ENDOD1: variants seen among roughly 807,000 people sequenced by gnomAD.
ENDOD1 encodes endonuclease domain containing 1.
Under a neutral mutation model 6.5 loss-of-function variants are expected in ENDOD1, and 9 were observed. The ratio of observed to expected loss-of-function variants is 1.39; its 90% CI spans 0.84 to 2.43. The LOEUF (loss-of-function observed/expected upper bound fraction) is 2.43, where lower values mean the gene tolerates loss of function less well. Among genes scored for constraint, ENDOD1 ranks in the 30% most tolerant of loss-of-function variants. ENDOD1 has a pLI of 0.00. For synonymous variants in ENDOD1, 255 were observed against 255.2 expected, an observed-to-expected ratio of 1.00 and a Z score of 0.01; for missense variants, 648 against 635.5, an observed-to-expected ratio of 1.02 and a Z score of -0.21.
At chr11:95,090,680 A>C (rs1858921937) in intron 1 of ENDOD1, among the ~76,000 whole-genome samples, 1 of 152,080 alleles carries the variant, frequency 6.6e-6, no homozygotes, top group South Asian at 2.1e-4. Context: ...TTTCATCCCC[A>C]TTTTACAGAA....
At position 95,128,517 on chromosome 11, in the gene ENDOD1, C is replaced by T; in HGVS notation, c.441C>T (p.Phe147=). The T allele has an allele frequency of 1.2e-6, 2 of 1,614,254 alleles. No individual in the cohort carries two copies. The highest frequency in any genetic ancestry group is 1.7e-6 in the Non-Finnish European group (2 of 1,180,044). ...ACCAAAGAGGACAGCTTTACCCATT[C>T]TCCCTTAGCAGTGATGTCCAGGTGG... ...SDYQRGQLYP[F]SLSSDVQVAT... The change falls in exon 2 of 2, where the codon TTC becomes TTT. Residue 147 remains phenylalanine (F), a synonymous_variant. Coordinates refer to ENST00000278505, the MANE Select transcript of ENDOD1 (RefSeq NM_015036.3).
In ENDOD1 at chr11:95,111,711, A is replaced by C. The variant is rs138778616; in HGVS notation, c.301-16666A>C. Reference sequence around the variant, plus strand: ...ATGCAAGTGTTAGGGAATGGCTGTAAATATAGATGAAACTTCGCTTGCTCA... The same window carrying C: ...ATGCAAGTGTTAGGGAATGGCTGTACATATAGATGAAACTTCGCTTGCTCA... On this transcript the variant is annotated intron_variant, in intron 1 of 1. Transcript: ENST00000278505. Among the ~76,000 whole-genome samples, 20 of 152,234 alleles carry C rather than the reference A, an allele frequency of 1.3e-4. No homozygotes were observed. In the East Asian group the frequency reaches 3.9e-3, roughly 29 times the overall value.
At position 95,128,551 on chromosome 11, in the gene ENDOD1, A is replaced by T; in HGVS notation, c.475A>T (p.Thr159Ser). The T allele has an allele frequency of 1.2e-6, 2 of 1,614,144 alleles. No individual in the cohort carries two copies. Among genetic ancestry groups the T allele is most frequent in the Non-Finnish European group, 1.7e-6 (2 of 1,180,022 alleles). The change falls in exon 2 of 2, where the codon ACT becomes TCT. Residue 159 changes from threonine to serine, a missense_variant. Transcript: ENST00000278505. ...LSSDVQVATF[T>S]LTNSAPMTQS... ...CAGTGATGTCCAGGTGGCCACATTT[A>T]CTCTCACAAATTCAGCCCCAATGAC...
intron 1 of ENDOD1, among the ~76,000 whole-genome samples, chr11:95,105,798 T>C (rs1859083868): frequency 6.6e-6 from 1 of 151,934 alleles, no homozygotes; most frequent in African/African-American, 2.4e-5. Flanking sequence ...TATTAAATTT[T>C]TTCCCTGAAT....
intron 1 of ENDOD1, among the ~76,000 whole-genome samples, chr11:95,100,627 G>C (rs1168694859): frequency 6.6e-6 from 1 of 151,804 alleles, no homozygotes; most frequent in African/African-American, 2.4e-5. Flanking sequence ...TAGACCACAG[G>C]CATGTGCCAC....
intron 1 of ENDOD1, among the ~76,000 whole-genome samples, chr11:95,096,227 C>CTGTTTTTTT (rs1858982326): frequency 2.0e-5 from 1 of 49,964 alleles, no homozygotes; most frequent in African/African-American, 8.3e-5. Flanking sequence ...GTCAAGAAAG[C>CTGTTTTTTT]TTTTTTTTTT....
chr11:95,105,365 C>A (rs1367366871), intron 1 of ENDOD1, among the ~76,000 whole-genome samples: 1 of 152,148 alleles, frequency 6.6e-6, no homozygotes, highest in Non-Finnish European at 1.5e-5. Flanking sequence ...ACTTATAATA[C>A]CTGGTACAAT....
chr11:95,095,227 G>A (rs1245447241), intron 1 of ENDOD1, among the ~76,000 whole-genome samples: 7 of 152,238 alleles, frequency 4.6e-5, no homozygotes, highest in African/African-American at 1.7e-4. Flanking sequence ...TGAAATGTGT[G>A]GAAGATTGAA....
intron 1 of ENDOD1, among the ~76,000 whole-genome samples, chr11:95,094,454 C>T (rs557995337): frequency 2.6e-5 from 4 of 152,292 alleles, no homozygotes; most frequent in African/African-American, 7.2e-5. Context: ...TTCTGACAGT[C>T]ATAGGACAAG....
rs545692316 is a variant in ENDOD1 at position 95,097,908 on chromosome 11, G to A, written c.300+7681G>A. Among the ~76,000 whole-genome samples, 394 of 152,244 alleles carry A rather than the reference G, an allele frequency of 2.6e-3. 1 individual carries two copies. Among genetic ancestry groups the A allele is most frequent in the African/African-American group, 8.9e-3 (371 of 41,546 alleles). On this transcript the variant is annotated intron_variant, in intron 1 of 1. Coordinates refer to ENST00000278505, the MANE Select transcript of ENDOD1 (RefSeq NM_015036.3). The stretch of plus-strand genomic sequence containing the variant: ...TGTTTGGGGGCCATATCAAGAACTC[G>A]CTTTTGTTCATAAGAGCAAGAATAT...
In ENDOD1 at chr11:95,118,323, T is replaced by G. The variant is rs531952923; in HGVS notation, c.301-10054T>G. ...TTCTTTCTGATTGAAGTACTCCCTT[T>G]AGCATTTCTTTCAGGACTGGCCTGG... On this transcript the variant is annotated intron_variant, in intron 1 of 1. Transcript: ENST00000278505. 1.8e-4 allele frequency among the ~76,000 whole-genome samples: 28 copies of G among 152,352 alleles called. No homozygotes were observed. The East Asian group carries it at 5.0e-3, about 27-fold the overall frequency.
chr11:95,099,148 C>A (rs1165010121), intron 1 of ENDOD1, among the ~76,000 whole-genome samples: 2 of 152,146 alleles, frequency 1.3e-5, no homozygotes, highest in Non-Finnish European at 2.9e-5. Context: ...TATACTGATC[C>A]ATCTTGAGCT....
Position 95,131,457 on chromosome 11 carries a change from C to T in ENDOD1, c.*1878C>T, listed in dbSNP as rs559322124. On this transcript the variant is annotated 3_prime_UTR_variant, in exon 2 of 2. Coordinates refer to ENST00000278505, the MANE Select transcript of ENDOD1 (RefSeq NM_015036.3). ...ACCCAAGGCCCTGGGAGGCAACAGG[C>T]TAGCCCTTAGTTTCATGGCTAGCTG... is the stretch of plus-strand genomic sequence containing the variant. 6 of 152,332 alleles carry T rather than the reference C, an allele frequency of 3.9e-5. No individual in the cohort carries two copies. The highest frequency in any genetic ancestry group is 1.4e-4 in the African/African-American group (6 of 41,566). The allele number at this position is 152,332 out of a possible 1,614,324, so 9.4% of individuals were successfully genotyped here.
chr11:95,095,303 TCTC>T (rs10605167), intron 1 of ENDOD1, among the ~76,000 whole-genome samples: 102,642 of 151,700 alleles, frequency 0.68, 37,087 homozygotes, highest in East Asian at 0.88. Flanking sequence ...ACCAAAGACA[TCTC>T]CACCCTCTCT....
chr11:95,090,134 C>T lies in ENDOD1; in HGVS notation c.207C>T (p.Tyr69=), dbSNP rs782344704. ...AEGAERFATL[Y]STRDRIPVYS... ...GTGCTGAGCGCTTCGCCACCCTCTA[C>T]AGCACCCGGGACCGCATCCCCGTGT... Residue 69 remains tyrosine (Y), a synonymous_variant, in exon 1 of 2, where the codon TAC becomes TAT. Transcript: ENST00000278505. 4 of 1,542,130 alleles carry T rather than the reference C, an allele frequency of 2.6e-6. No homozygotes were observed. The highest frequency in any genetic ancestry group is 1.8e-4 in the Middle Eastern group (1 of 5,702).
At chr11:95,091,465 CGTT>C (rs1353271310) in intron 1 of ENDOD1, among the ~76,000 whole-genome samples, 2 of 152,208 alleles carry the variant, frequency 1.3e-5, no homozygotes, top group African/African-American at 2.4e-5. Flanking sequence ...GTGAAAAAGA[CGTT>C]GTCAGTTGCA....
At position 95,131,021 on chromosome 11, in the gene ENDOD1, G is replaced by T. The variant is rs1477343553; in HGVS notation, c.*1442G>T. On this transcript the variant is annotated 3_prime_UTR_variant, in exon 2 of 2. Transcript: ENST00000278505. ...TGCAAAAATTCGGGGTCCCAACAAG[G>T]AGAGAACAATATGTCAACCATTTGC... The T allele has an allele frequency of 6.6e-6, 1 of 152,234 alleles. No individual in the cohort carries two copies. The highest frequency in any genetic ancestry group is 1.5e-5 in the Non-Finnish European group (1 of 68,040). The allele number at this position is 152,234 out of a possible 1,614,324, so 9.4% of individuals were successfully genotyped here.
At position 95,132,266 on chromosome 11, in the gene ENDOD1, A is replaced by G. The variant is rs1159116302; in HGVS notation, c.*2687A>G. On this transcript the variant is annotated 3_prime_UTR_variant, in exon 2 of 2. Transcript: ENST00000278505. ...TGTTGTCTTCTCACTCAGCATCAGC[A>G]CTTCGATCTAAATGCAGACTAGGTA... 2.0e-5 allele frequency: 3 copies of G among 152,664 alleles called. No individual in the cohort carries two copies. Among genetic ancestry groups the G allele is most frequent in the Admixed American group, 1.3e-4 (2 of 15,290 alleles). The allele number at this position is 152,664 out of a possible 1,614,324, so 9.5% of individuals were successfully genotyped here.
chr11:95,101,091 C>T (rs980520113), intron 1 of ENDOD1, among the ~76,000 whole-genome samples: 3 of 152,084 alleles, frequency 2.0e-5, no homozygotes, highest in Non-Finnish European at 4.4e-5. Context: ...AACACAAAGA[C>T]AGCAAACTTG....
Sources: gnomAD v4.1 joint callset for allele counts (sites outside exome capture counted in the v4.1 genomes callset) on GRCh38, gnomAD v4.1.1 for gene constraint, MANE v1.5 for transcripts, NCBI Gene and HGNC (gene_info 2026-07-23, HGNC 2026-07-21) for gene names.